The following BDNF variants were observed in gnomAD, a reference collection of about 807,000 sequenced individuals.
BDNF encodes neurotrophic factor BDNF precursor form.
BDNF carries 1 observed loss-of-function variant against 19.5 expected under a neutral mutation model. The observed-to-expected ratio is 0.05, with a 90% confidence interval of 0.02 to 0.24. BDNF has a LOEUF of 0.24. BDNF is among the 10% of genes least tolerant of loss of function. BDNF has a pLI of 1.00. For missense variants in BDNF, 195 were observed against 317.6 expected, an observed-to-expected ratio of 0.61 and a Z score of 2.93; for synonymous variants, 100 against 121.6, an observed-to-expected ratio of 0.82 and a Z score of 1.17.
intron 1 of BDNF, among the ~76,000 whole-genome samples, chr11:27,679,489 T>G (rs528517377): frequency 2.8e-4 from 43 of 152,344 alleles, no homozygotes; most frequent in African/African-American, 1.0e-3. Context: ...GGTTGCTTCA[T>G]GCAAAGTGGG....
chr11:27,721,514 G>T, exon 1 of BDNF: 1 of 1,377,344 alleles, frequency 7.3e-7, no homozygotes, highest in Non-Finnish European at 1.0e-6. Flanking sequence ...CATGTGAGAA[G>T]TTCGGCTTTG....
Position 27,674,176 on chromosome 11 carries a change from C to T in BDNF, c.-21-15591G>A, listed in dbSNP as rs756774056. Reference sequence around the variant, plus strand: ...TGCCATACAGAAGCGTGTGGGTAGACGCCAAAACATGTGTGGACCTGCAAC... The same window carrying T: ...TGCCATACAGAAGCGTGTGGGTAGATGCCAAAACATGTGTGGACCTGCAAC... On this transcript the variant is annotated intron_variant, in intron 1 of 1. Transcript: ENST00000356660. 8.1e-6 allele frequency: 13 copies of T among 1,609,204 alleles called. No homozygotes were observed. In the Admixed American group the frequency reaches 8.4e-5, roughly 10 times the overall value.
At chr11:27,682,781 G>A (rs1300008332) in intron 1 of BDNF, among the ~76,000 whole-genome samples, 2 of 152,098 alleles carry the variant, frequency 1.3e-5, no homozygotes, top group African/African-American at 4.8e-5. Context: ...GTGTATGTGT[G>A]TCACATTTTC....
intron 1 of BDNF, among the ~76,000 whole-genome samples, chr11:27,667,838 G>A (rs1196899753): frequency 6.6e-6 from 1 of 151,956 alleles, no homozygotes; most frequent in African/African-American, 2.4e-5. Context: ...TCACCCCACG[G>A]TCAATATTAG....
chr11:27,719,638 A>G (rs1358040036), intron 1 of BDNF: 20 of 925,622 alleles, frequency 2.2e-5, no homozygotes, highest in Non-Finnish European at 2.6e-5. Flanking sequence ...GACAGAAGGG[A>G]AAAAAAAAAG....
chr11:27,682,071 A>T (rs186180247), intron 1 of BDNF, among the ~76,000 whole-genome samples: 100 of 152,264 alleles, frequency 6.6e-4, no homozygotes, highest in Middle Eastern at 6.8e-3. Context: ...TGAATTTCTG[A>T]TTATTTACAA....
In BDNF at chr11:27,656,862, A is replaced by C; in HGVS notation, c.*959T>G. The C allele has an allele frequency of 3.0e-6, 3 of 985,372 alleles. No individual in the cohort carries two copies. The highest frequency in any genetic ancestry group is 3.6e-6 in the Non-Finnish European group (3 of 829,922). The allele number at this position is 985,372 out of a possible 1,614,324, so 61.0% of individuals were successfully genotyped here. A position where few individuals can be genotyped will look rare whatever the true frequency, so the allele number is the denominator to read the frequency against. Reference sequence around the variant, plus strand: ...TTATACGAGTGTCATGATGTGACACAATGTGTTCACTTGTTCACAGCAGTG... The same window carrying C: ...TTATACGAGTGTCATGATGTGACACCATGTGTTCACTTGTTCACAGCAGTG... On this transcript the variant is annotated 3_prime_UTR_variant, in exon 2 of 2. Transcript: ENST00000356660.
rs1426609143 is a variant in BDNF, at chr11:27,674,432, A to G, written c.-21-15847T>C. 2.1e-6 allele frequency: 3 copies of G among 1,439,782 alleles called. No individual in the cohort carries two copies. In the African/African-American group the frequency reaches 4.3e-5, roughly 21 times the overall value. The allele number at this position is 1,439,782 out of a possible 1,614,324, so 89.2% of individuals were successfully genotyped here. ...GTTCTCCTAGCCACTGCTCTACCCCAGCTCCCAGCTCTTCTGAAGTGTCAC... is the reference window on the plus strand; with the variant it reads ...GTTCTCCTAGCCACTGCTCTACCCCGGCTCCCAGCTCTTCTGAAGTGTCAC... On this transcript the variant is annotated intron_variant, in intron 1 of 1. Transcript: ENST00000356660.
chr11:27,681,569 A>T (rs1177982653), intron 1 of BDNF, among the ~76,000 whole-genome samples: 1 of 152,172 alleles, frequency 6.6e-6, no homozygotes, highest in Non-Finnish European at 1.5e-5. Context: ...TAGAATTCAG[A>T]TGAATAAACA....
chr11:27,656,843 G>T lies in BDNF; in HGVS notation c.*978C>A. The T allele has an allele frequency of 1.6e-5, 16 of 984,902 alleles. No individual in the cohort carries two copies. Among genetic ancestry groups the T allele is most frequent in the Non-Finnish European group, 1.9e-5 (16 of 829,830 alleles). 61.0% of individuals were successfully genotyped at this position (984,902 alleles called of 1,614,324 possible). The stretch of plus-strand genomic sequence containing the variant: ...AAATCACTGTTCTCCATGCTTATAC[G>T]AGTGTCATGATGTGACACAATGTGT... On this transcript the variant is annotated 3_prime_UTR_variant, in exon 2 of 2. Transcript: ENST00000356660.
chr11:27,667,674 C>T (rs939996931), intron 1 of BDNF, among the ~76,000 whole-genome samples: 3 of 152,028 alleles, frequency 2.0e-5, no homozygotes, highest in African/African-American at 7.2e-5. Flanking sequence ...ACAAAGAAGG[C>T]CATTACATAA....
chr11:27,718,029 G>C (rs1860581811), intron 1 of BDNF, among the ~76,000 whole-genome samples: 1 of 152,026 alleles, frequency 6.6e-6, no homozygotes. Flanking sequence ...AACTAAATTG[G>C]CAAGTCAACT....
intron 1 of BDNF, among the ~76,000 whole-genome samples, chr11:27,662,941 A>T (rs2133823165): frequency 6.6e-6 from 1 of 152,360 alleles, no homozygotes; most frequent in Admixed American, 6.5e-5. Context: ...ACCTTACTTG[A>T]ATAATTAAAA....
intron 1 of BDNF, among the ~76,000 whole-genome samples, chr11:27,717,599 A>T (rs913346616): frequency 6.6e-6 from 1 of 152,202 alleles, no homozygotes; most frequent in Admixed American, 6.5e-5. Context: ...TGCAAGACCA[A>T]GGGGTATAAA....
chr11:27,695,557 T>G (rs182199241), intron 1 of BDNF, among the ~76,000 whole-genome samples: 89 of 152,258 alleles, frequency 5.8e-4, no homozygotes, highest in Non-Finnish European at 9.6e-4. Context: ...CTGGGAGATT[T>G]CAAAATCAGG....
chr11:27,718,363 C>A (rs909384657), intron 1 of BDNF, among the ~76,000 whole-genome samples: 1 of 145,538 alleles, frequency 6.9e-6, no homozygotes, highest in African/African-American at 2.5e-5. Flanking sequence ...CACCCCCCCC[C>A]GCCCCTCCCG....
chr11:27,694,119 T>G (rs1429158315), intron 1 of BDNF, among the ~76,000 whole-genome samples: 1 of 152,212 alleles, frequency 6.6e-6, no homozygotes, highest in Non-Finnish European at 1.5e-5. Flanking sequence ...TACTATATTC[T>G]ACTCCCTGAA....
chr11:27,708,446 A>G (rs142869407), intron 1 of BDNF, among the ~76,000 whole-genome samples: 1 of 152,208 alleles, frequency 6.6e-6, no homozygotes, highest in Admixed American at 6.5e-5. Context: ...TCTCAAAAGT[A>G]TGTACAAGTT....
At chr11:27,705,393 A>C (rs1446623902), upstream of BDNF, among the ~76,000 whole-genome samples, 1 of 152,214 alleles carries the variant, frequency 6.6e-6, no homozygotes. Context: ...AGACTCACCT[A>C]TTTAGGCTGT....
Sources: gnomAD v4.1 joint callset for allele counts (sites outside exome capture counted in the v4.1 genomes callset) on GRCh38, gnomAD v4.1.1 for gene constraint, MANE v1.5 for transcripts, NCBI Gene and HGNC (gene_info 2026-07-23, HGNC 2026-07-21) for gene names.